Variants in ZYG11A observed in about 807,000 individuals in gnomAD.
ZYG11A encodes the protein zyg-11 family member A, cell cycle regulator.
A neutral mutation model predicts 77.2 loss-of-function variants in ZYG11A; 62 were observed. The observed-to-expected ratio is 0.80, with a 90% CI of 0.65 to 0.99. ZYG11A has a LOEUF of 0.99. Among genes scored for constraint, ZYG11A ranks in the 50% least tolerant of loss-of-function variants. ZYG11A has a pLI of 0.00. For synonymous variants in ZYG11A, 315 were observed against 324.6 expected, an observed-to-expected ratio of 0.97 and a Z score of 0.32; for missense variants, 828 against 896.8, an observed-to-expected ratio of 0.92 and a Z score of 0.98.
chr1:52,892,825 G>A lies in ZYG11A; in HGVS notation c.2148G>A (p.Gln716=), dbSNP rs1001215163. 2.6e-6 allele frequency: 4 copies of A among 1,551,542 alleles called. No individual in the cohort carries two copies. The highest frequency in any genetic ancestry group is 1.4e-5 in the African/African-American group (1 of 73,034). Residue 716 remains glutamine, a synonymous_variant, in exon 14 of 14, where the codon CAG becomes CAA. Coordinates refer to ENST00000371528, the MANE Select transcript of ZYG11A (RefSeq NM_001004339.3). ...CKMLVEEEGL[Q]LLCDIQEHSE... is the part of the protein sequence containing the mutation. ...TGTTAGTTGAAGAAGAAGGATTGCA[G>A]CTTTTGTGTGATATCCAGGAGCACA...
At position 52,857,647 on chromosome 1, in the gene ZYG11A, T is replaced by A. The variant is rs1369588480; in HGVS notation, c.906T>A (p.Ala302=). 8.4e-6 allele frequency: 13 copies of A among 1,552,078 alleles called. No individual in the cohort carries two copies. Among genetic ancestry groups the A allele is most frequent in the African/African-American group, 1.4e-5 (1 of 73,066 alleles). The change falls in exon 3 of 14, where the codon GCT becomes GCA. Residue 302 remains alanine (A), a synonymous_variant. Coordinates refer to ENST00000371528, the MANE Select transcript of ZYG11A (RefSeq NM_001004339.3). ...ISGGNCITDE[A]VELFIRLRPA... ...GGGGCAATTGCATCACTGATGAAGC[T>A]GTAGAACTGTTTATACGACTGCGGC...
At chr1:52,864,621 A>G (rs569992819) in intron 5 of ZYG11A, among the ~76,000 whole-genome samples, 1 of 152,202 alleles carries the variant, frequency 6.6e-6, no homozygotes, top group East Asian at 1.9e-4. Context: ...TAGAAAAAAT[A>G]GGAAATATAG....
At chr1:52,855,401 G>C (rs1334191575) in intron 2 of ZYG11A, among the ~76,000 whole-genome samples, 1 of 151,984 alleles carries the variant, frequency 6.6e-6, no homozygotes, top group African/African-American at 2.4e-5. Flanking sequence ...TGTTGGCCAG[G>C]CTGGTCTCAA....
chr1:52,853,884 C>T (rs188920049), intron 1 of ZYG11A, among the ~76,000 whole-genome samples: 10 of 151,876 alleles, frequency 6.6e-5, no homozygotes, highest in Non-Finnish European at 8.8e-5. Context: ...CCAGCCTAGG[C>T]GATAGTGAGA....
In ZYG11A at chr1:52,847,213, T is replaced by G. The variant is rs539800463; in HGVS notation, c.90+4240T>G. Among the ~76,000 whole-genome samples the G allele has an allele frequency of 9.2e-4, 140 of 152,254 alleles. 1 individual carries two copies. Among genetic ancestry groups the G allele is most frequent in the South Asian group, 3.7e-3 (18 of 4,820 alleles). On this transcript the variant is annotated intron_variant, in intron 1 of 13. Transcript: ENST00000371528. ...TCCTGAATAGCTGGGATTATAGGTG[T>G]GCACCACCACACTCTGCTAATTTTT... is the stretch of plus-strand genomic sequence containing the variant.
In ZYG11A at chr1:52,893,113, T is replaced by A. The variant is rs780393794; in HGVS notation, c.*156T>A. ...TATGTTACAAAAGGTTGGATTTGTA[T>A]GATAGCTGTAATCCCAAGTCAAGTT... On this transcript the variant is annotated 3_prime_UTR_variant, in exon 14 of 14. Transcript: ENST00000371528. 5 of 692,616 alleles carry A rather than the reference T, an allele frequency of 7.2e-6. No individual in the cohort carries two copies. The highest frequency in any genetic ancestry group is 1.2e-5 in the Non-Finnish European group (5 of 428,926). The allele number at this position is 692,616 out of a possible 1,614,324, so 42.9% of individuals were successfully genotyped here.
At position 52,893,062 on chromosome 1, in the gene ZYG11A, A is replaced by G. The variant is rs756469256; in HGVS notation, c.*105A>G. ...TTGGAGTTTGTGAGTTGGCTGTCTCATTGGCCTTTGATTGTTGATTTTATA... is the reference window on the plus strand; with the variant it reads ...TTGGAGTTTGTGAGTTGGCTGTCTCGTTGGCCTTTGATTGTTGATTTTATA... On this transcript the variant is annotated 3_prime_UTR_variant, in exon 14 of 14. Coordinates refer to ENST00000371528, the MANE Select transcript of ZYG11A (RefSeq NM_001004339.3). 9.9e-6 allele frequency: 10 copies of G among 1,006,896 alleles called. No individual in the cohort carries two copies. The highest frequency in any genetic ancestry group is 1.4e-5 in the Non-Finnish European group (10 of 699,504). 62.4% of individuals were successfully genotyped at this position (1,006,896 alleles called of 1,614,324 possible).
chr1:52,861,476 G>A (rs1645925505), intron 4 of ZYG11A, among the ~76,000 whole-genome samples: 1 of 152,112 alleles, frequency 6.6e-6, no homozygotes, highest in Non-Finnish European at 1.5e-5. Flanking sequence ...GCCGAAGCGG[G>A]TGGATCACGA....
At chr1:52,872,740 C>T (rs1315230207) in intron 8 of ZYG11A, among the ~76,000 whole-genome samples, 5 of 150,614 alleles carry the variant, frequency 3.3e-5, no homozygotes, top group South Asian at 4.2e-4. Flanking sequence ...AAAATTAGCC[C>T]GGCATGGTGG....
intron 8 of ZYG11A, among the ~76,000 whole-genome samples, chr1:52,877,129 C>T (rs1399606368): frequency 6.6e-6 from 1 of 152,076 alleles, no homozygotes; most frequent in Non-Finnish European, 1.5e-5. Context: ...CCCCCTCTCC[C>T]CCCAGCCCCG....
chr1:52,844,295 G>T (rs1645520904), intron 1 of ZYG11A, among the ~76,000 whole-genome samples: 1 of 152,314 alleles, frequency 6.6e-6, no homozygotes, highest in South Asian at 2.1e-4. Context: ...GCCCTGCAGT[G>T]ATCTAGCCTG....
In ZYG11A at chr1:52,875,766, T is replaced by A. The variant is rs373741515; in HGVS notation, c.1543-1916T>A. 2.6e-3 allele frequency among the ~76,000 whole-genome samples: 332 copies of A among 127,886 alleles called. No individual in the cohort carries two copies. The Middle Eastern group carries it at 0.031, about 12-fold the overall frequency. 83.9% of individuals were successfully genotyped at this position (127,886 alleles called of 152,430 possible). A position where few individuals can be genotyped will look rare whatever the true frequency, so the allele number is the denominator to read the frequency against. On this transcript the variant is annotated intron_variant, in intron 8 of 13. Coordinates refer to ENST00000371528, the MANE Select transcript of ZYG11A (RefSeq NM_001004339.3). The stretch of plus-strand genomic sequence containing the variant: ...AGTAGAATAAAGATGTTTGCTTTAG[T>A]TTGGAGCAGAAGGGAAGGCAGAGTA...
At chr1:52,874,915 T>C (rs184773852) in intron 8 of ZYG11A, among the ~76,000 whole-genome samples, 10 of 152,356 alleles carry the variant, frequency 6.6e-5, no homozygotes, top group Admixed American at 2.0e-4. Context: ...ATTGCACACT[T>C]AATAGACTAC....
intron 1 of ZYG11A, among the ~76,000 whole-genome samples, chr1:52,847,374 A>T (rs752308095): frequency 6.6e-6 from 1 of 151,664 alleles, no homozygotes; most frequent in Non-Finnish European, 1.5e-5. Flanking sequence ...CTAATTTTGT[A>T]TTTTTAGTAC....
At chr1:52,847,835 A>AATTTATTTATTT (rs5774129) in intron 1 of ZYG11A, among the ~76,000 whole-genome samples, 16 of 119,362 alleles carry the variant, frequency 1.3e-4, no homozygotes, top group Admixed American at 3.3e-4. Flanking sequence ...ACGCCTTGCT[A>AATTTATTTATTT]ATTTATTTAT....
intron 11 of ZYG11A, among the ~76,000 whole-genome samples, chr1:52,884,827 A>G (rs777535304): frequency 9.9e-5 from 15 of 151,824 alleles, no homozygotes; most frequent in Non-Finnish European, 2.1e-4. Flanking sequence ...CCCAGTCCAG[A>G]TGTTTTTATT....
chr1:52,887,703 A>C (rs1026820510), intron 13 of ZYG11A, among the ~76,000 whole-genome samples: 1 of 152,022 alleles, frequency 6.6e-6, no homozygotes, highest in Non-Finnish European at 1.5e-5. Flanking sequence ...GCAACATAGC[A>C]AGACCCCACC....
intron 5 of ZYG11A, among the ~76,000 whole-genome samples, chr1:52,864,936 C>T (rs530873334): frequency 6.6e-6 from 1 of 151,930 alleles, no homozygotes; most frequent in African/African-American, 2.4e-5. Context: ...CAGACGTGAG[C>T]CCCCGCGCCT....
intron 11 of ZYG11A, among the ~76,000 whole-genome samples, chr1:52,882,603 TA>T (rs990746876): frequency 1.3e-5 from 2 of 152,200 alleles, no homozygotes; most frequent in African/African-American, 4.8e-5. Context: ...CATACCTGTT[TA>T]AAAAGGCCTT....
Sources: allele counts gnomAD v4.1 joint callset (sites outside exome capture counted in the v4.1 genomes callset), GRCh38; gene constraint gnomAD v4.1.1; transcripts MANE v1.5; gene names NCBI Gene and HGNC (gene_info 2026-07-23, HGNC 2026-07-21).